Variants in ROBO2 observed in about 807,000 individuals in gnomAD.
ROBO2 encodes the protein roundabout guidance receptor 2.
Under a neutral mutation model 160.8 loss-of-function variants are expected in ROBO2, and 53 were observed. The observed-to-expected ratio is 0.33, with a 90% CI of 0.26 to 0.41. The LOEUF (loss-of-function observed/expected upper bound fraction) is 0.41, where lower values mean the gene tolerates loss of function less well. ROBO2 is among the 10% of genes least tolerant of loss of function. The probability of loss-of-function intolerance (pLI) is 1.00; values close to 1 mark genes in which losing one functional copy is unlikely to be tolerated. For synonymous variants in ROBO2, 664 were observed against 611.7 expected (o/e 1.09, Z -1.26); for missense variants, 1,577 against 1,722.4 (o/e 0.92, Z 1.49).
intron 2 of ROBO2, among the ~76,000 whole-genome samples, chr3:76,793,870 C>A (rs899471336): frequency 7.2e-5 from 11 of 151,896 alleles, no homozygotes; most frequent in Non-Finnish European, 1.6e-4. Flanking sequence ...TGTTCTAATT[C>A]TGTCCAGAGA....
Position 76,042,226 on chromosome 3 carries a change from G to A in ROBO2, c.109+104624G>A, listed in dbSNP as rs946768742. 3.3e-5 allele frequency among the ~76,000 whole-genome samples: 5 copies of A among 151,868 alleles called. 1 individual carries two copies. The highest frequency in any genetic ancestry group is 1.2e-4 in the African/African-American group (5 of 41,232). On this transcript the variant is annotated intron_variant, in intron 2 of 26. Transcript: ENST00000487694. ...CTGATTAGTACATTAACATAATTTTGAAGAAATGAAATGAATAAAGTACTT... is the reference window on the plus strand; with the variant it reads ...CTGATTAGTACATTAACATAATTTTAAAGAAATGAAATGAATAAAGTACTT...
chr3:77,230,014 G>A (rs1043583261), intron 2 of ROBO2, among the ~76,000 whole-genome samples: 3 of 152,096 alleles, frequency 2.0e-5, no homozygotes, highest in Non-Finnish European at 4.4e-5. Flanking sequence ...AAAAGCTTGA[G>A]CTTTATTAAG....
chr3:75,997,820 A>C (rs112247944), intron 2 of ROBO2, among the ~76,000 whole-genome samples: 4,593 of 152,138 alleles, frequency 0.03, 221 homozygotes, highest in African/African-American at 0.097. Context: ...TAGTTTATTC[A>C]GTGACTAAGA....
At chr3:76,771,086 G>C (rs938160869) in intron 2 of ROBO2, among the ~76,000 whole-genome samples, 1 of 151,362 alleles carries the variant, frequency 6.6e-6, no homozygotes, top group Non-Finnish European at 1.5e-5. Flanking sequence ...TTAAAAGACA[G>C]GGTTTGTGAC....
At chr3:77,210,980 G>T (rs1367577840) in intron 2 of ROBO2, among the ~76,000 whole-genome samples, 5 of 152,056 alleles carry the variant, frequency 3.3e-5, no homozygotes, top group Non-Finnish European at 7.4e-5. Flanking sequence ...TCTTAATCCA[G>T]TCTATCATTG....
At chr3:77,292,237 T>C (rs7432887) in intron 2 of ROBO2, among the ~76,000 whole-genome samples, 88,101 of 143,658 alleles carry the variant, frequency 0.61, 26,715 homozygotes, top group Middle Eastern at 0.76. Context: ...TCACCCCAGA[T>C]GTAAAGCAAA....
intron 2 of ROBO2, among the ~76,000 whole-genome samples, chr3:77,010,220 T>A (rs930144329): frequency 6.6e-6 from 1 of 152,130 alleles, no homozygotes; most frequent in Non-Finnish European, 1.5e-5. Context: ...AATTGAAGTA[T>A]ATATGTAGAA....
At chr3:75,966,239 A>C (rs2107319545) in intron 2 of ROBO2, among the ~76,000 whole-genome samples, 1 of 149,282 alleles carries the variant, frequency 6.7e-6, no homozygotes, top group Admixed American at 6.8e-5. Flanking sequence ...AAGGTGAAAT[A>C]ACTTCTCTTT....
intron 2 of ROBO2, among the ~76,000 whole-genome samples, chr3:76,256,050 G>A (rs577132269): frequency 1.3e-5 from 2 of 152,134 alleles, no homozygotes; most frequent in African/African-American, 4.8e-5. Flanking sequence ...TGTAACCCCA[G>A]CACTTTGAGG....
At chr3:77,364,977 T>C (rs1284899223) in intron 2 of ROBO2, among the ~76,000 whole-genome samples, 1 of 151,908 alleles carries the variant, frequency 6.6e-6, no homozygotes, top group Non-Finnish European at 1.5e-5. Context: ...AAAACCTGTC[T>C]CCACTAAAAA....
chr3:76,241,002 G>A (rs973024297), intron 2 of ROBO2, among the ~76,000 whole-genome samples: 2 of 152,150 alleles, frequency 1.3e-5, no homozygotes, highest in Non-Finnish European at 2.9e-5. Flanking sequence ...AGATTTGGGA[G>A]GACATTTCCA....
At chr3:77,504,195 T>C (rs1561018539) in intron 5 of ROBO2, among the ~76,000 whole-genome samples, 1 of 152,194 alleles carries the variant, frequency 6.6e-6, no homozygotes, top group Non-Finnish European at 1.5e-5. Context: ...GTATAAAAAT[T>C]CTGCCAGTTA....
At chr3:77,053,512 A>G (rs2065422394) in intron 1 of ROBO2, among the ~76,000 whole-genome samples, 1 of 152,162 alleles carries the variant, frequency 6.6e-6, no homozygotes, top group Non-Finnish European at 1.5e-5. Flanking sequence ...AAGAGGGGGT[A>G]ATACCCAAAG....
At chr3:76,432,488 G>C (rs2076479477) in intron 2 of ROBO2, among the ~76,000 whole-genome samples, 1 of 152,086 alleles carries the variant, frequency 6.6e-6, no homozygotes, top group South Asian at 2.1e-4. Flanking sequence ...ATGTCAGACA[G>C]GACTGCAGTT....
At chr3:76,076,237 C>A (rs541010461) in intron 2 of ROBO2, among the ~76,000 whole-genome samples, 49 of 152,310 alleles carry the variant, frequency 3.2e-4, no homozygotes, top group African/African-American at 9.9e-4. Context: ...TTATGTAAAT[C>A]TATAACCATG....
At chr3:77,129,088 C>T (rs1374597630) in intron 2 of ROBO2, among the ~76,000 whole-genome samples, 3 of 151,808 alleles carry the variant, frequency 2.0e-5, no homozygotes, top group African/African-American at 7.3e-5. Context: ...TTGGAGTGCT[C>T]TTTTTAGAAA....
At chr3:76,387,658 G>A (rs998657521) in intron 2 of ROBO2, among the ~76,000 whole-genome samples, 2 of 152,136 alleles carry the variant, frequency 1.3e-5, no homozygotes, top group African/African-American at 4.8e-5. Context: ...CCATTTCACA[G>A]ATGAGAACAA....
At chr3:76,100,140 A>G (rs1389437287) in intron 2 of ROBO2, among the ~76,000 whole-genome samples, 3 of 152,180 alleles carry the variant, frequency 2.0e-5, no homozygotes, top group Non-Finnish European at 1.5e-5. Context: ...CTTGGAACCC[A>G]TGAATCCTTG....
intron 2 of ROBO2, among the ~76,000 whole-genome samples, chr3:76,554,936 A>C (rs906027516): frequency 1.3e-5 from 2 of 152,206 alleles, no homozygotes; most frequent in Middle Eastern, 3.4e-3. Context: ...TATTTATGGC[A>C]TGGTGAACTG....
Sources: gnomAD v4.1 joint callset for allele counts (sites outside exome capture counted in the v4.1 genomes callset) on GRCh38, gnomAD v4.1.1 for gene constraint, MANE v1.5 for transcripts, NCBI Gene and HGNC (gene_info 2026-07-23, HGNC 2026-07-21) for gene names.